The following GABRA3 variants were observed in gnomAD, a reference collection of about 807,000 sequenced individuals.
The protein encoded by GABRA3 is gamma-aminobutyric acid receptor subunit alpha-3.
Under a neutral mutation model 30.1 loss-of-function variants are expected in GABRA3, and 10 were observed. That is an observed-to-expected ratio of 0.33 (90% confidence interval 0.20 to 0.56). GABRA3 has a LOEUF of 0.56. Among genes scored for constraint, GABRA3 ranks in the 20% least tolerant of loss-of-function variants. GABRA3 has a pLI of 0.89. For missense variants in GABRA3, 233 were observed against 392.0 expected (o/e 0.59, Z 3.42); for synonymous variants, 151 against 146.8 (o/e 1.03, Z -0.21).
intron 1 of GABRA3, among the ~76,000 whole-genome samples, chrX:152,444,059 T>C (rs754998690): frequency 2.3e-4 from 26 of 111,608 alleles, no homozygotes; most frequent in African/African-American, 8.5e-4. Context: ...GGTGATTTTT[T>C]TTTTAAATGT....
chrX:152,313,524 T>A (rs747405789), intron 3 of GABRA3, among the ~76,000 whole-genome samples: 79 of 111,742 alleles, frequency 7.1e-4, no homozygotes, highest in Admixed American at 1.9e-3. Flanking sequence ...AGCTGTATGT[T>A]CTCTCAGGTT....
At position 152,174,482 on chromosome X, in the gene GABRA3, T is replaced by G. The variant is rs1346330571; in HGVS notation, c.1144-5919A>C. Reference sequence around the variant, plus strand: ...TTCCTGACTTTTTAACGATCGCCATTCTAACTGGTGTGAGATGGTATCTCA... The same window carrying G: ...TTCCTGACTTTTTAACGATCGCCATGCTAACTGGTGTGAGATGGTATCTCA... On this transcript the variant is annotated intron_variant, in intron 9 of 9. Transcript: ENST00000370314. Among the ~76,000 whole-genome samples the G allele has an allele frequency of 3.6e-5, 4 of 112,238 alleles. No homozygotes were observed. The East Asian group carries it at 1.1e-3, about 32-fold the overall frequency.
chrX:152,206,326 C>T (rs1937542095), intron 7 of GABRA3, among the ~76,000 whole-genome samples: 1 of 112,098 alleles, frequency 8.9e-6, no homozygotes, highest in Non-Finnish European at 1.9e-5. Context: ...GGAGGGGAAA[C>T]CAGGCAGTGG....
chrX:152,324,444 T>C (rs1940019602), intron 3 of GABRA3, among the ~76,000 whole-genome samples: 1 of 112,147 alleles, frequency 8.9e-6, no homozygotes, highest in Non-Finnish European at 1.9e-5. Context: ...AGAGAGAAGC[T>C]GTTGACATTG....
rs146145531 is a variant in GABRA3, at chrX:152,410,264, A to G, written c.-27+40882T>C. 1.3e-4 allele frequency among the ~76,000 whole-genome samples: 14 copies of G among 111,993 alleles called. 1 individual carries two copies. The East Asian group carries it at 3.9e-3, about 31-fold the overall frequency. On this transcript the variant is annotated intron_variant, in intron 1 of 9. Coordinates refer to ENST00000370314, the MANE Select transcript of GABRA3 (RefSeq NM_000808.4). ...GATAAAGAGGTAATGGTTATTGAGC[A>G]CAAATATACAGTTAGAAGGAACAAG...
At chrX:152,329,309 C>T (rs182134468) in intron 3 of GABRA3, among the ~76,000 whole-genome samples, 1 of 111,843 alleles carries the variant, frequency 8.9e-6, no homozygotes, top group South Asian at 3.8e-4. Context: ...CCCCATCAAG[C>T]TACCAATGGC....
rs12012944 is a variant in GABRA3 at position 152,444,748 on chromosome X, G to A, written c.-27+6398C>T. 4.2e-5 allele frequency among the ~76,000 whole-genome samples: 2 copies of A among 47,725 alleles called. 1 individual carries two copies. Among genetic ancestry groups the A allele is most frequent in the Non-Finnish European group, 6.6e-5 (2 of 30,469 alleles). The allele number at this position is 47,725 out of a possible 115,157, so 41.4% of individuals were successfully genotyped here. A position where few individuals can be genotyped will look rare whatever the true frequency, so the allele number is the denominator to read the frequency against. ...AATACTTGTGTGTTTTTTTTTTTTT[G>A]TTTTTTTTTGTTTGTTTGTTTGTTT... On this transcript the variant is annotated intron_variant, in intron 1 of 9. Coordinates refer to ENST00000370314, the MANE Select transcript of GABRA3 (RefSeq NM_000808.4).
chrX:152,181,597 C>T (rs1297129094), intron 9 of GABRA3, among the ~76,000 whole-genome samples: 1 of 109,618 alleles, frequency 9.1e-6, no homozygotes, highest in Non-Finnish European at 1.9e-5. Context: ...TGCATATTCT[C>T]ACTCATAGGT....
chrX:152,177,857 T>C (rs773452990), intron 9 of GABRA3, among the ~76,000 whole-genome samples: 1 of 111,751 alleles, frequency 8.9e-6, no homozygotes, highest in African/African-American at 3.3e-5. Context: ...GTTGCTAAGT[T>C]GAGCAAGATG....
At chrX:152,205,419 G>T (rs1192850819) in intron 7 of GABRA3, among the ~76,000 whole-genome samples, 1 of 111,672 alleles carries the variant, frequency 9.0e-6, no homozygotes, top group Non-Finnish European at 1.9e-5. Context: ...GGAAAAGAAG[G>T]GTCTTTACAG....
At chrX:152,176,941 G>A (rs917531179) in intron 9 of GABRA3, among the ~76,000 whole-genome samples, 1 of 111,670 alleles carries the variant, frequency 9.0e-6, no homozygotes, top group African/African-American at 3.3e-5. Context: ...ATGCTCTAAC[G>A]TTTAGTGCTG....
chrX:152,389,988 TA>T (rs1221176000), intron 1 of GABRA3, among the ~76,000 whole-genome samples: 1 of 111,240 alleles, frequency 9.0e-6, no homozygotes, highest in Non-Finnish European at 1.9e-5. Flanking sequence ...GATTTGAGAT[TA>T]AAAAAATACA....
At chrX:152,251,590 G>T (rs904410053) in intron 5 of GABRA3, among the ~76,000 whole-genome samples, 1 of 109,041 alleles carries the variant, frequency 9.2e-6, no homozygotes, top group African/African-American at 3.3e-5. Context: ...TCTTCCATTT[G>T]CTTACTGTCT....
intron 4 of GABRA3, among the ~76,000 whole-genome samples, chrX:152,266,965 T>G (rs771702208): frequency 8.9e-6 from 1 of 111,766 alleles, no homozygotes; most frequent in East Asian, 2.8e-4. Flanking sequence ...AAGATCTTCA[T>G]GTGTTTAAAA....
At chrX:152,273,110 T>C (rs1472335358) in intron 4 of GABRA3, among the ~76,000 whole-genome samples, 1 of 111,850 alleles carries the variant, frequency 8.9e-6, no homozygotes, top group Non-Finnish European at 1.9e-5. Context: ...TAAATAATCC[T>C]GTTTTAAAAT....
intron 1 of GABRA3, among the ~76,000 whole-genome samples, chrX:152,417,040 T>C (rs1240945266): frequency 9.8e-6 from 1 of 101,986 alleles, no homozygotes; most frequent in African/African-American, 3.7e-5. Flanking sequence ...CTAATTAAAC[T>C]AAAGAGCTTC....
At chrX:152,271,027 AC>A (rs1938925510) in intron 4 of GABRA3, among the ~76,000 whole-genome samples, 1 of 107,109 alleles carries the variant, frequency 9.3e-6, no homozygotes, top group Non-Finnish European at 1.9e-5. Flanking sequence ...AATGGTGCAA[AC>A]TCAGCTCACT....
At chrX:152,190,835 T>C (rs1247664910) in intron 8 of GABRA3, among the ~76,000 whole-genome samples, 1 of 108,850 alleles carries the variant, frequency 9.2e-6, no homozygotes, top group African/African-American at 3.3e-5. Flanking sequence ...TATTTTACAT[T>C]TTTTCTAATC....
At chrX:152,314,352 T>G (rs1319946967) in intron 3 of GABRA3, among the ~76,000 whole-genome samples, 1 of 112,203 alleles carries the variant, frequency 8.9e-6, no homozygotes, top group Non-Finnish European at 1.9e-5. Context: ...AAATAATTGC[T>G]GAATTGGATA....
Sources: allele counts gnomAD v4.1 joint callset (sites outside exome capture counted in the v4.1 genomes callset), GRCh38; gene constraint gnomAD v4.1.1; transcripts MANE v1.5; gene names NCBI Gene and HGNC (gene_info 2026-07-23, HGNC 2026-07-21).